Variants in PPM1D observed in about 807,000 individuals in gnomAD.
PPM1D encodes protein phosphatase 1D.
Under a neutral mutation model 58.3 loss-of-function variants are expected in PPM1D, and 52 were observed. That is an observed-to-expected ratio of 0.89 (90% CI 0.71 to 1.12). PPM1D has a LOEUF of 1.12. Among genes scored for constraint, PPM1D ranks in the 50% most tolerant of loss-of-function variants. The pLI is 0.00. For synonymous variants in PPM1D, 278 were observed against 285.1 expected (o/e 0.98, Z 0.25); for missense variants, 564 against 777.2 (o/e 0.73, Z 3.26).
chr17:60,606,788 A>G (rs1458591150), intron 1 of PPM1D, among the ~76,000 whole-genome samples: 1 of 152,100 alleles, frequency 6.6e-6, no homozygotes, highest in Non-Finnish European at 1.5e-5. Flanking sequence ...ATGAAAGAGT[A>G]TATAAATATA....
At chr17:60,645,933 A>G (rs1368021286) in intron 3 of PPM1D, among the ~76,000 whole-genome samples, 1 of 151,984 alleles carries the variant, frequency 6.6e-6, no homozygotes, top group Admixed American at 6.6e-5. Context: ...GCTTGAATCC[A>G]GGACTTGGAG....
intron 1 of PPM1D, among the ~76,000 whole-genome samples, chr17:60,602,002 T>C (rs2030223054): frequency 6.6e-6 from 1 of 152,218 alleles, no homozygotes; most frequent in Non-Finnish European, 1.5e-5. Flanking sequence ...AGAGTTAGAT[T>C]TAGCAAATAC....
chr17:60,611,503 C>T (rs1349313566), intron 1 of PPM1D, among the ~76,000 whole-genome samples: 1 of 151,964 alleles, frequency 6.6e-6, no homozygotes, highest in East Asian at 1.9e-4. Flanking sequence ...GATCTTGGCT[C>T]TGCCTCCTAG....
intron 4 of PPM1D, among the ~76,000 whole-genome samples, chr17:60,648,720 G>A (rs960332054): frequency 1.3e-5 from 2 of 149,092 alleles, no homozygotes; most frequent in African/African-American, 4.9e-5. Flanking sequence ...GTGATTCTTA[G>A]TGTAGTTCAC....
intron 1 of PPM1D, among the ~76,000 whole-genome samples, chr17:60,603,270 GT>G (rs1179455210): frequency 6.6e-6 from 1 of 152,080 alleles, no homozygotes; most frequent in African/African-American, 2.4e-5. Context: ...ACCCCAGAGA[GT>G]TTTTATGTGG....
intron 1 of PPM1D, among the ~76,000 whole-genome samples, chr17:60,621,563 A>AC (rs1242617881): frequency 5.2e-5 from 5 of 96,132 alleles, no homozygotes; most frequent in African/African-American, 1.9e-4. Context: ...TATTTTTTGT[A>AC]TTTTTTTTTT....
chr17:60,660,250 C>T (rs1237233405), intron 5 of PPM1D, among the ~76,000 whole-genome samples: 10 of 152,140 alleles, frequency 6.6e-5, no homozygotes, highest in African/African-American at 2.2e-4. Flanking sequence ...GCAGGAGAAT[C>T]GCTTGAACCC....
rs2031593386 is a variant in PPM1D, at chr17:60,664,994, T to A, written c.*1442T>A. The A allele has an allele frequency of 6.7e-6, 1 of 148,806 alleles. No homozygotes were observed. 9.2% of individuals were successfully genotyped at this position (148,806 alleles called of 1,614,324 possible). A position where few individuals can be genotyped will look rare whatever the true frequency, so the allele number is the denominator to read the frequency against. On this transcript the variant is annotated 3_prime_UTR_variant, in exon 6 of 6. Transcript: ENST00000305921. ...CTAATTTTTTTTTTTTTTTTTGAGA[T>A]GGAGTCTAGCTCTGTCATCCAGGCT...
chr17:60,652,341 A>G (rs745751137), intron 4 of PPM1D, among the ~76,000 whole-genome samples: 12 of 151,954 alleles, frequency 7.9e-5, no homozygotes, highest in Admixed American at 5.9e-4. Flanking sequence ...GCCGAATACT[A>G]TTTCATTGTG....
intron 3 of PPM1D, among the ~76,000 whole-genome samples, chr17:60,644,846 C>G (rs1221722347): frequency 6.6e-6 from 1 of 152,118 alleles, no homozygotes; most frequent in African/African-American, 2.4e-5. Flanking sequence ...AAATAAGTAT[C>G]ATTTATAATC....
At chr17:60,624,787 A>G (rs1476969314) in intron 2 of PPM1D, among the ~76,000 whole-genome samples, 2 of 149,414 alleles carry the variant, frequency 1.3e-5, no homozygotes, top group South Asian at 2.1e-4. Context: ...ACACCATCTC[A>G]AAAAAGAAAA....
intron 2 of PPM1D, among the ~76,000 whole-genome samples, chr17:60,624,187 G>A (rs2030758821): frequency 6.6e-6 from 1 of 152,126 alleles, no homozygotes; most frequent in Non-Finnish European, 1.5e-5. Flanking sequence ...TTTGAACTTA[G>A]CGTTTCAATG....
chr17:60,664,829 T>C lies in PPM1D; in HGVS notation c.*1277T>C, dbSNP rs558340477. 6.6e-6 allele frequency: 1 copy of C among 152,278 alleles called. No individual in the cohort carries two copies. Among genetic ancestry groups the C allele is most frequent in the South Asian group, 2.1e-4 (1 of 4,822 alleles). The allele number at this position is 152,278 out of a possible 1,614,324, so 9.4% of individuals were successfully genotyped here. On this transcript the variant is annotated 3_prime_UTR_variant, in exon 6 of 6. Transcript: ENST00000305921. ...TTTTGTTTGTTTGTTTGAGATGGAG[T>C]CTCACTCTGTCATCCAGGCTAGAGT...
rs1233947099 is a variant in PPM1D, at chr17:60,666,255, C to T, written c.*2703C>T. On this transcript the variant is annotated 3_prime_UTR_variant, in exon 6 of 6. Coordinates refer to ENST00000305921, the MANE Select transcript of PPM1D (RefSeq NM_003620.4). ...GTAAAACATCTTAATGTATTTTGTC[C>T]CTAAATAAACTATCTCACTAACAAA... 3 of 151,872 alleles carry T rather than the reference C, an allele frequency of 2.0e-5. No homozygotes were observed. Among genetic ancestry groups the T allele is most frequent in the South Asian group, 2.1e-4 (1 of 4,822 alleles). The allele number at this position is 151,872 out of a possible 1,614,324, so 9.4% of individuals were successfully genotyped here.
intron 3 of PPM1D, among the ~76,000 whole-genome samples, chr17:60,645,338 G>A (rs752207954): frequency 2.0e-5 from 3 of 151,512 alleles, no homozygotes; most frequent in Admixed American, 6.6e-5. Context: ...TGGGCAACAA[G>A]AGCGAAACTC....
At chr17:60,633,604 T>C (rs2030970081) in intron 2 of PPM1D, among the ~76,000 whole-genome samples, 1 of 147,654 alleles carries the variant, frequency 6.8e-6, no homozygotes. Context: ...GTATTTATAC[T>C]TACTTTTCTT....
chr17:60,626,231 A>G (rs1360921787), intron 2 of PPM1D, among the ~76,000 whole-genome samples: 1 of 151,982 alleles, frequency 6.6e-6, no homozygotes, highest in African/African-American at 2.4e-5. Flanking sequence ...AAAGAGGTGT[A>G]TGTTTTGAAT....
rs561930236 is a variant in PPM1D at position 60,609,818 on chromosome 17, T to G, written c.472+8932T>G. On this transcript the variant is annotated intron_variant, in intron 1 of 5. Transcript: ENST00000305921. ...TAGTAATGCTGGCATATTGTTATAC[T>G]TGTTTTATTTTATTAATGTTGTTAA... Among the ~76,000 whole-genome samples the G allele has an allele frequency of 9.2e-5, 14 of 152,338 alleles. No homozygotes were observed. In the East Asian group the frequency reaches 2.5e-3, roughly 27 times the overall value.
intron 5 of PPM1D, among the ~76,000 whole-genome samples, chr17:60,659,413 GGATGGA>G (rs1312442217): frequency 6.6e-6 from 1 of 152,102 alleles, no homozygotes; most frequent in Non-Finnish European, 1.5e-5. Context: ...CTTTGTTTTG[GGATGGA>G]GATAGTGGAA....
Sources: gnomAD v4.1 joint callset for allele counts (sites outside exome capture counted in the v4.1 genomes callset) on GRCh38, gnomAD v4.1.1 for gene constraint, MANE v1.5 for transcripts, NCBI Gene and HGNC (gene_info 2026-07-23, HGNC 2026-07-21) for gene names.